SV2C: variants seen among roughly 807,000 people sequenced by gnomAD.
SV2C encodes synaptic vesicle glycoprotein 2C.
Under a neutral mutation model 79.7 loss-of-function variants are expected in SV2C, and 49 were observed. That is an observed-to-expected ratio of 0.61 (90% confidence interval 0.49 to 0.78). The LOEUF (loss-of-function observed/expected upper bound fraction) is 0.78, where lower values mean the gene tolerates loss of function less well. Ranked by LOEUF, SV2C falls within the 30% of genes least tolerant of loss-of-function variation. The probability of loss-of-function intolerance (pLI) is 0.00; values close to 1 mark genes in which losing one functional copy is unlikely to be tolerated. For missense variants in SV2C, 833 were observed against 912.9 expected, an observed-to-expected ratio of 0.91 and a Z score of 1.13; for synonymous variants, 334 against 333.2, an observed-to-expected ratio of 1.00 and a Z score of -0.03.
intron 4 of SV2C, among the ~76,000 whole-genome samples, chr5:76,270,994 G>A (rs182803312): frequency 1.3e-5 from 2 of 152,088 alleles, no homozygotes; most frequent in African/African-American, 2.4e-5. Context: ...ATCTCGAACT[G>A]CTGACCTCAG....
intron 1 of SV2C, chr5:76,091,628 C>G (rs1337332855): frequency 6.6e-6 from 1 of 152,206 alleles, no homozygotes; most frequent in South Asian, 2.1e-4. Context: ...TAATGCAGGT[C>G]CTTTGTCCTA....
chr5:76,333,346 A>G lies in SV2C; in HGVS notation c.*7799A>G, dbSNP rs928063701. 1 of 152,270 alleles carries G rather than the reference A, an allele frequency of 6.6e-6. No homozygotes were observed. Among genetic ancestry groups the G allele is most frequent in the South Asian group, 2.1e-4 (1 of 4,830 alleles). 9.4% of individuals were successfully genotyped at this position (152,270 alleles called of 1,614,324 possible). On this transcript the variant is annotated 3_prime_UTR_variant, in exon 13 of 13. Transcript: ENST00000502798. ...ATCCTGATCCAGGAACATATTGAAC[A>G]GATCATATGTCTTTTGTTACTATCT...
the SV2C span, among the ~76,000 whole-genome samples, chr5:76,016,272 GC>G: frequency 3.7e-5 from 1 of 27,008 alleles, no homozygotes; most frequent in East Asian, 1.3e-3. Context: ...AAAAAAAAAA[GC>G]TGTGCAATTC....
chr5:76,154,279 C>A (rs544953328), intron 2 of SV2C, among the ~76,000 whole-genome samples: 2 of 152,294 alleles, frequency 1.3e-5, no homozygotes, highest in African/African-American at 4.8e-5. Flanking sequence ...TAGTATCTGC[C>A]TTTTCTGTCT....
chr5:75,910,153 G>C, the SV2C span: 1 of 309,988 alleles, frequency 3.2e-6, no homozygotes, highest in East Asian at 8.8e-5. Flanking sequence ...AAATAGTTTT[G>C]TCACCAGGTG....
the SV2C span, among the ~76,000 whole-genome samples, chr5:76,020,398 TAC>T: frequency 1.3e-5 from 2 of 152,204 alleles, no homozygotes; most frequent in African/African-American, 2.4e-5. Context: ...AGAGTTCTAT[TAC>T]AGTCATTCTG....
chr5:75,938,318 C>T, the SV2C span, among the ~76,000 whole-genome samples: 1 of 151,996 alleles, frequency 6.6e-6, no homozygotes, highest in Non-Finnish European at 1.5e-5. Flanking sequence ...AATAGAAGTG[C>T]ATACATGTGT....
Position 76,134,092 on chromosome 5 carries a change from A to G in SV2C, c.580+1762A>G, listed in dbSNP as rs985926929. The stretch of plus-strand genomic sequence containing the variant: ...TGACATACGGTTCTCTTATCAAACT[A>G]TCCTCCAAACCCAGAAACCCTGGTG... On this transcript the variant is annotated intron_variant, in intron 2 of 12. Transcript: ENST00000502798. Among the ~76,000 whole-genome samples the G allele has an allele frequency of 1.2e-4, 19 of 152,150 alleles. 1 individual carries two copies. Among genetic ancestry groups the G allele is most frequent in the Non-Finnish European group, 1.5e-5 (1 of 68,022 alleles).
chr5:76,226,683 G>A (rs1745257064), intron 4 of SV2C, among the ~76,000 whole-genome samples: 1 of 152,196 alleles, frequency 6.6e-6, no homozygotes, highest in Admixed American at 6.5e-5. Context: ...AATTCAGGAA[G>A]TTTCAAAGCA....
the SV2C span, among the ~76,000 whole-genome samples, chr5:75,864,310 C>CCA: frequency 6.7e-6 from 1 of 149,594 alleles, no homozygotes; most frequent in South Asian, 2.2e-4. Flanking sequence ...TCCAGTGCCA[C>CCA]TCCATCCATC....
At chr5:75,955,409 G>C in the SV2C span, among the ~76,000 whole-genome samples, 14 of 151,560 alleles carry the variant, frequency 9.2e-5, no homozygotes, top group Non-Finnish European at 1.6e-4. Context: ...ATGGATTAAA[G>C]ACTTAAACGT....
chr5:75,980,656 C>T, the SV2C span, among the ~76,000 whole-genome samples: 416 of 152,218 alleles, frequency 2.7e-3, 1 homozygote, highest in African/African-American at 9.0e-3. Context: ...TAATACAATT[C>T]GATGTCCATT....
the SV2C span, among the ~76,000 whole-genome samples, chr5:75,985,559 A>G: frequency 2.0e-5 from 3 of 151,960 alleles, no homozygotes; most frequent in Non-Finnish European, 1.5e-5. Context: ...AGAAATATAC[A>G]AACATAAGCT....
the SV2C span, among the ~76,000 whole-genome samples, chr5:75,892,534 AG>A: frequency 6.6e-6 from 1 of 152,066 alleles, no homozygotes; most frequent in Admixed American, 6.6e-5. Context: ...TCTGTCAGCC[AG>A]GTAGTGAGCA....
chr5:76,234,829 T>A (rs1267533058), intron 4 of SV2C, among the ~76,000 whole-genome samples: 1 of 152,212 alleles, frequency 6.6e-6, no homozygotes, highest in Non-Finnish European at 1.5e-5. Flanking sequence ...ACTTGATTTA[T>A]AATGAAAGGT....
the SV2C span, among the ~76,000 whole-genome samples, chr5:76,052,467 A>G: frequency 7.2e-5 from 11 of 152,316 alleles, no homozygotes; most frequent in Admixed American, 1.3e-4. Flanking sequence ...CTATGGAATG[A>G]TGGGCTCCAT....
chr5:76,023,684 G>GTGTGTATA, the SV2C span, among the ~76,000 whole-genome samples: 4 of 148,740 alleles, frequency 2.7e-5, no homozygotes, highest in Non-Finnish European at 3.0e-5. Context: ...ATGTGTGTGT[G>GTGTGTATA]TATATATATA....
intron 1 of SV2C, among the ~76,000 whole-genome samples, chr5:76,088,731 A>G (rs1455918967): frequency 6.6e-6 from 1 of 152,202 alleles, no homozygotes. Context: ...TGAGTGTCCT[A>G]TATTTTTATT....
the SV2C span, among the ~76,000 whole-genome samples, chr5:75,848,609 G>A: frequency 6.6e-6 from 1 of 152,132 alleles, no homozygotes; most frequent in Non-Finnish European, 1.5e-5. Flanking sequence ...ACAACTTTGG[G>A]TTATATGAAT....
Sources: gnomAD v4.1 joint callset for allele counts (sites outside exome capture counted in the v4.1 genomes callset) on GRCh38, gnomAD v4.1.1 for gene constraint, MANE v1.5 for transcripts, NCBI Gene and HGNC (gene_info 2026-07-23, HGNC 2026-07-21) for gene names.